TMEM131: variants seen among roughly 807,000 people sequenced by gnomAD.
TMEM131 encodes 2610524E03Rik.
Under a neutral mutation model 211.6 loss-of-function variants are expected in TMEM131, and 66 were observed. The ratio of observed to expected loss-of-function variants is 0.31; its 90% CI spans 0.26 to 0.38. The LOEUF is 0.38. Among genes scored for constraint, TMEM131 ranks in the 10% least tolerant of loss-of-function variants. TMEM131 has a pLI of 1.00. For missense variants in TMEM131, 2,036 were observed against 2,299.3 expected (o/e 0.89, Z 2.34); for synonymous variants, 844 against 841.3 (o/e 1.00, Z -0.06).
intron 31 of TMEM131, among the ~76,000 whole-genome samples, chr2:97,778,232 CTAACA>C (rs1246274221): frequency 6.6e-6 from 1 of 152,144 alleles, no homozygotes; most frequent in Non-Finnish European, 1.5e-5. Context: ...CAAAAAATAC[CTAACA>C]TAACAATAGT....
chr2:97,784,900 C>T (rs1312547064), intron 31 of TMEM131, among the ~76,000 whole-genome samples: 3 of 152,022 alleles, frequency 2.0e-5, no homozygotes, highest in East Asian at 1.9e-4. Flanking sequence ...CTAAAAAAGA[C>T]ACAAATTACC....
At chr2:97,861,723 T>G (rs1674076798) in intron 4 of TMEM131, among the ~76,000 whole-genome samples, 1 of 152,000 alleles carries the variant, frequency 6.6e-6, no homozygotes, top group Non-Finnish European at 1.5e-5. Context: ...CTAGGTAGAT[T>G]TCTAAGGTGT....
intron 4 of TMEM131, among the ~76,000 whole-genome samples, chr2:97,874,631 A>G (rs867714909): frequency 1.3e-5 from 2 of 152,230 alleles, no homozygotes; most frequent in African/African-American, 4.8e-5. Context: ...ACTAAGCTTC[A>G]TAAGTGAAGG....
chr2:97,915,039 T>C (rs920894176), intron 2 of TMEM131, among the ~76,000 whole-genome samples: 1 of 152,204 alleles, frequency 6.6e-6, no homozygotes, highest in African/African-American at 2.4e-5. Context: ...TTGCCAGTAT[T>C]TGGTGTTGTC....
intron 15 of TMEM131, among the ~76,000 whole-genome samples, 181 bp downstream of exon 15, chr2:97,813,790 G>C (rs1036191657): frequency 4.6e-5 from 7 of 152,208 alleles, no homozygotes; most frequent in African/African-American, 1.7e-4. Flanking sequence ...TATCACAAGA[G>C]AGAGCTGCCA....
chr2:97,818,163 GC>G (rs1385224848), intron 12 of TMEM131, among the ~76,000 whole-genome samples: 1 of 152,118 alleles, frequency 6.6e-6, no homozygotes, highest in Non-Finnish European at 1.5e-5. Context: ...TATTATTTTA[GC>G]TTAAGTAGGG....
chr2:97,837,711 T>A (rs1219712639), intron 7 of TMEM131, among the ~76,000 whole-genome samples: 2 of 152,350 alleles, frequency 1.3e-5, no homozygotes, highest in East Asian at 1.9e-4. Flanking sequence ...TTACTTTTTT[T>A]AAACAGCTTT....
At chr2:97,805,790 C>A in intron 19 of TMEM131, 87 bp from the exon 20 acceptor site, 2 of 1,218,410 alleles carry the variant, frequency 1.6e-6, no homozygotes, top group Non-Finnish European at 1.1e-6. Flanking sequence ...AAGCATACTT[C>A]TAGGAAACCA....
In TMEM131 at chr2:97,796,992, C is replaced by A; in HGVS notation, c.2871-6G>T. On this transcript the variant is annotated splice_polypyrimidine_tract_variant and splice_region_variant and intron_variant, in intron 26 of 40. Coordinates refer to ENST00000186436, the MANE Select transcript of TMEM131 (RefSeq NM_015348.2). ...CCATCACAGTCAGGTTATTTCTATG[C>A]AAGAATGAGAATTACAGATTTTTCT... The A allele has an allele frequency of 6.2e-7, 1 of 1,604,264 alleles. No individual in the cohort carries two copies. The highest frequency in any genetic ancestry group is 8.5e-7 in the Non-Finnish European group (1 of 1,176,100).
intron 5 of TMEM131, among the ~76,000 whole-genome samples, chr2:97,849,977 T>C (rs1352851351): frequency 6.6e-6 from 1 of 152,064 alleles, no homozygotes; most frequent in Non-Finnish European, 1.5e-5. Context: ...CTTTTTATTG[T>C]TGTGAATTTA....
rs371677378 is a variant in TMEM131 at position 97,908,638 on chromosome 2, A to G, written c.290+20T>C. ...AGAAGGAACCGAAAGTATGTTAATTATCTTATTAAATATACTTACCTTTTC... is the reference window on the plus strand; with the variant it reads ...AGAAGGAACCGAAAGTATGTTAATTGTCTTATTAAATATACTTACCTTTTC... On this transcript the variant is annotated intron_variant, in intron 3 of 40. Coordinates refer to ENST00000186436, the MANE Select transcript of TMEM131 (RefSeq NM_015348.2). 1 of 1,577,672 alleles carries G rather than the reference A, an allele frequency of 6.3e-7. No homozygotes were observed. Among genetic ancestry groups the G allele is most frequent in the Non-Finnish European group, 8.7e-7 (1 of 1,150,672 alleles).
At chr2:97,818,481 G>GGAAA (rs796772650) in intron 12 of TMEM131, 132 bp downstream of exon 12, 22 of 293,250 alleles carry the variant, frequency 7.5e-5, no homozygotes, top group Admixed American at 1.1e-4. Context: ...GGCGGGGGGG[G>GGAAA]ATCAACCTAA....
rs538929143 is a variant in TMEM131, at chr2:97,961,095, C to T, written c.188-33608G>A. Reference sequence around the variant, plus strand: ...GATGGTCAAAGACTGAATGTTTCCCCCCAAAATTGGGAACAAGGAAAGGAA... The same window carrying T: ...GATGGTCAAAGACTGAATGTTTCCCTCCAAAATTGGGAACAAGGAAAGGAA... On this transcript the variant is annotated intron_variant, in intron 1 of 40. Coordinates refer to ENST00000186436, the MANE Select transcript of TMEM131 (RefSeq NM_015348.2). Among the ~76,000 whole-genome samples the T allele has an allele frequency of 1.2e-3, 182 of 151,610 alleles. 1 individual carries two copies. The highest frequency in any genetic ancestry group is 4.2e-3 in the African/African-American group (173 of 41,324).
chr2:97,923,627 TTAAA>T (rs1339038576), intron 2 of TMEM131, among the ~76,000 whole-genome samples: 186 of 99,680 alleles, frequency 1.9e-3, no homozygotes, highest in Middle Eastern at 5.5e-3. Context: ...GTCTTTTTTT[TTAAA>T]AAAAAAAAAA....
intron 4 of TMEM131, among the ~76,000 whole-genome samples, chr2:97,859,699 C>T (rs112568164): frequency 5.3e-5 from 8 of 152,270 alleles, no homozygotes; most frequent in Non-Finnish European, 1.0e-4. Flanking sequence ...AGGCGGCGGA[C>T]GGGGCACAAA....
chr2:97,881,119 A>T (rs933936097), intron 4 of TMEM131, among the ~76,000 whole-genome samples: 1 of 152,196 alleles, frequency 6.6e-6, no homozygotes, highest in African/African-American at 2.4e-5. Context: ...GCCTTTCATG[A>T]CTGCATGGCA....
chr2:97,809,607 A>G lies in TMEM131; in HGVS notation c.2055+81T>C, dbSNP rs1297454530. The G allele has an allele frequency of 3.4e-6, 3 of 890,670 alleles. No homozygotes were observed. The African/African-American group carries it at 5.1e-5, about 15-fold the overall frequency. The allele number at this position is 890,670 out of a possible 1,614,324, so 55.2% of individuals were successfully genotyped here. ...TGACTAATAAAGAATAACTGACTTT[A>G]CTCTAAGATTCTAGGAACACAGAGC... is the stretch of plus-strand genomic sequence containing the variant. On this transcript the variant is annotated intron_variant, in intron 19 of 40. Coordinates refer to ENST00000186436, the MANE Select transcript of TMEM131 (RefSeq NM_015348.2).
At chr2:97,862,912 C>CA (rs1363618283) in intron 4 of TMEM131, among the ~76,000 whole-genome samples, 2 of 152,068 alleles carry the variant, frequency 1.3e-5, no homozygotes, top group Non-Finnish European at 1.5e-5. Flanking sequence ...AGATTTAACT[C>CA]AAAGACTACC....
chr2:97,813,838 T>C (rs1252842572), intron 15 of TMEM131, 133 bp downstream of exon 15: 2 of 713,402 alleles, frequency 2.8e-6, no homozygotes, highest in Non-Finnish European at 4.3e-6. Context: ...AGGTAAAAAC[T>C]GACTAGGAGA....
Sources: allele counts gnomAD v4.1 joint callset (sites outside exome capture counted in the v4.1 genomes callset), GRCh38; gene constraint gnomAD v4.1.1; transcripts MANE v1.5; gene names NCBI Gene and HGNC (gene_info 2026-07-23, HGNC 2026-07-21).